The following PARVB variants were observed in gnomAD, a reference collection of about 807,000 sequenced individuals.
The protein encoded by PARVB is parvin beta, also known as beta-parvin.
A neutral mutation model predicts 47.0 loss-of-function variants in PARVB; 46 were observed. The observed-to-expected ratio is 0.98, with a 90% CI of 0.77 to 1.25. The LOEUF is 1.25. PARVB is among the 50% of genes most tolerant of loss of function. The pLI is 0.00. For missense variants in PARVB, 473 were observed against 471.6 expected, an observed-to-expected ratio of 1.00 and a Z score of -0.03; for synonymous variants, 196 against 196.3, an observed-to-expected ratio of 1.00 and a Z score of 0.01.
chr22:44,084,185 C>G (rs2051971725), intron 1 of PARVB, among the ~76,000 whole-genome samples: 1 of 152,208 alleles, frequency 6.6e-6, no homozygotes, highest in Non-Finnish European at 1.5e-5. Context: ...CTGGTAAAGT[C>G]TCAGTGCAGT....
At position 44,039,923 on chromosome 22, in the gene PARVB, T is replaced by C. The variant is rs1342045604; in HGVS notation, c.112+15472T>C. On this transcript the variant is annotated intron_variant, in intron 1 of 12. Transcript: ENST00000338758. ...TCGAACTCCTGGCCTCCAGTGATCC[T>C]TCTGCCTCAGCCTCCCAAGGAGCGA... is the stretch of plus-strand genomic sequence containing the variant. The C allele has an allele frequency of 6.6e-6, 3 of 451,672 alleles. No homozygotes were observed. The Admixed American group carries it at 7.1e-5, about 11-fold the overall frequency. The allele number at this position is 451,672 out of a possible 1,614,324, so 28.0% of individuals were successfully genotyped here. A position where few individuals can be genotyped will look rare whatever the true frequency, so the allele number is the denominator to read the frequency against.
intron 2 of PARVB, among the ~76,000 whole-genome samples, chr22:44,098,747 G>A (rs369795390): frequency 2.6e-4 from 39 of 152,308 alleles, no homozygotes; most frequent in African/African-American, 8.9e-4. Context: ...ACACTCTGCT[G>A]CCGGGAAGTT....
intron 1 of PARVB, among the ~76,000 whole-genome samples, chr22:44,053,969 G>T (rs1191603526): frequency 1.5e-4 from 23 of 152,158 alleles, no homozygotes; most frequent in Admixed American, 1.5e-3. Flanking sequence ...GGCCTTTTAT[G>T]GAGCCTCATT....
chr22:44,024,239 C>T (rs2050689912), upstream of PARVB: 2 of 473,286 alleles, frequency 4.2e-6, no homozygotes, highest in South Asian at 8.7e-5. Context: ...GGGGCGGGAC[C>T]GGGGCGGGGG....
intron 1 of PARVB, among the ~76,000 whole-genome samples, chr22:44,084,838 T>C (rs999431583): frequency 2.0e-5 from 3 of 152,238 alleles, no homozygotes; most frequent in African/African-American, 4.8e-5. Context: ...CCCTGTAGAA[T>C]TGGCTGCCAC....
intron 4 of PARVB, among the ~76,000 whole-genome samples, chr22:44,122,020 C>G (rs1257728101): frequency 2.0e-5 from 3 of 152,118 alleles, no homozygotes; most frequent in Non-Finnish European, 4.4e-5. Flanking sequence ...CAGAACTTAA[C>G]TGAATTATTT....
chr22:44,069,660 C>G (rs550547341), intron 1 of PARVB, among the ~76,000 whole-genome samples: 1 of 152,226 alleles, frequency 6.6e-6, no homozygotes, highest in South Asian at 2.1e-4. Flanking sequence ...TCCCAAGTAG[C>G]TGGGATTACA....
At chr22:44,005,862 C>T (rs575295241) in intron 2 of PARVB, among the ~76,000 whole-genome samples, 29 of 152,364 alleles carry the variant, frequency 1.9e-4, no homozygotes, top group African/African-American at 7.0e-4. Context: ...CTAGAGCCTG[C>T]TCCCACTTTG....
intron 1 of PARVB, among the ~76,000 whole-genome samples, chr22:44,028,525 G>T (rs1001448564): frequency 5.9e-5 from 9 of 152,164 alleles, no homozygotes; most frequent in African/African-American, 2.2e-4. Flanking sequence ...TTGTCTGGAT[G>T]TGCCAGTTTG....
intron 4 of PARVB, among the ~76,000 whole-genome samples, chr22:44,122,682 TTA>T (rs2053097893): frequency 6.6e-6 from 1 of 152,170 alleles, no homozygotes; most frequent in Non-Finnish European, 1.5e-5. Flanking sequence ...TTTATCCTTC[TTA>T]TGTTTCTTTA....
At chr22:44,113,416 A>G (rs547608186) in intron 3 of PARVB, 100 of 58,844 alleles carry the variant, frequency 1.7e-3, no homozygotes, top group African/African-American at 4.2e-3. Context: ...ACACAGATAC[A>G]TTGTTACTAA....
intron 2 of PARVB, among the ~76,000 whole-genome samples, chr22:44,008,172 C>T (rs2050485792): frequency 6.6e-6 from 1 of 152,130 alleles, no homozygotes; most frequent in Admixed American, 6.6e-5. Flanking sequence ...ATGATCTCGG[C>T]TCACTGCAAC....
chr22:44,033,594 A>G (rs2050862561), intron 1 of PARVB, among the ~76,000 whole-genome samples: 1 of 152,132 alleles, frequency 6.6e-6, no homozygotes, highest in Non-Finnish European at 1.5e-5. Flanking sequence ...TGAAGTGATG[A>G]GCTTGGTTTT....
At chr22:44,134,010 T>G (rs954103524) in intron 6 of PARVB, among the ~76,000 whole-genome samples, 1 of 152,092 alleles carries the variant, frequency 6.6e-6, no homozygotes, top group African/African-American at 2.4e-5. Flanking sequence ...GCGGCCAGAG[T>G]TGAGGTCACG....
intron 2 of PARVB, among the ~76,000 whole-genome samples, chr22:44,008,410 T>A (rs940288659): frequency 6.6e-6 from 1 of 152,134 alleles, no homozygotes; most frequent in Non-Finnish European, 1.5e-5. Flanking sequence ...ACGCGCGGTC[T>A]AGAGACAGGA....
At chr22:44,110,805 G>C (rs1430598107) in intron 3 of PARVB, 1 of 151,962 alleles carries the variant, frequency 6.6e-6, no homozygotes. Context: ...TCACCATGTT[G>C]GCCAGGCTGG....
At chr22:44,131,693 C>G in intron 5 of PARVB, 66 bp downstream of exon 5, 1 of 1,492,306 alleles carries the variant, frequency 6.7e-7, no homozygotes, top group South Asian at 1.3e-5. Flanking sequence ...ATTCGTCATC[C>G]ACATTTGTCA....
chr22:44,073,315 G>A (rs1246901910), intron 1 of PARVB, among the ~76,000 whole-genome samples: 2 of 152,100 alleles, frequency 1.3e-5, no homozygotes, highest in Non-Finnish European at 2.9e-5. Flanking sequence ...CCAACATAGC[G>A]AAACCCGTCT....
chr22:44,034,469 C>A (rs189953035), intron 1 of PARVB, among the ~76,000 whole-genome samples: 2 of 151,808 alleles, frequency 1.3e-5, no homozygotes, highest in Non-Finnish European at 2.9e-5. Flanking sequence ...TCATCAGACA[C>A]TGTAGCCTTG....
Sources: gnomAD v4.1 joint callset for allele counts (sites outside exome capture counted in the v4.1 genomes callset) on GRCh38, gnomAD v4.1.1 for gene constraint, MANE v1.5 for transcripts, NCBI Gene and HGNC (gene_info 2026-07-23, HGNC 2026-07-21) for gene names.